ERG: variants seen among roughly 807,000 people sequenced by gnomAD.
ERG encodes transcriptional regulator ERG.
ERG carries 9 observed loss-of-function variants against 55.3 expected under a neutral mutation model. The ratio of observed to expected loss-of-function variants is 0.16; its 90% CI spans 0.10 to 0.28. ERG has a LOEUF of 0.28. Among genes scored for constraint, ERG ranks in the 10% least tolerant of loss-of-function variants. The pLI is 1.00. For synonymous variants in ERG, 223 were observed against 237.3 expected, an observed-to-expected ratio of 0.94 and a Z score of 0.55; for missense variants, 434 against 631.6, an observed-to-expected ratio of 0.69 and a Z score of 3.35.
chr21:38,544,455 G>C (rs1268658171), intron 2 of ERG, among the ~76,000 whole-genome samples: 1 of 152,182 alleles, frequency 6.6e-6, no homozygotes, highest in Non-Finnish European at 1.5e-5. Flanking sequence ...ACCAGAAAGA[G>C]AGCAGTGGAG....
At chr21:38,445,818 G>GA in intron 1 of ERG, among the ~76,000 whole-genome samples, 197 bp from the exon 2 acceptor site, 1 of 151,966 alleles carries the variant, frequency 6.6e-6, no homozygotes, top group Non-Finnish European at 1.5e-5. Flanking sequence ...TGCCAGCCTA[G>GA]AAAAACTTTT....
rs999306512 is a variant in ERG at position 38,394,383 on chromosome 21, C to T, written c.746-1939G>A. 3.4e-4 allele frequency among the ~76,000 whole-genome samples: 52 copies of T among 151,156 alleles called. 1 individual carries two copies. Among genetic ancestry groups the T allele is most frequent in the Non-Finnish European group, 6.0e-4 (41 of 67,856 alleles). On this transcript the variant is annotated intron_variant, in intron 6 of 9. Transcript: ENST00000288319. ...TTTTTTTTTTTTGGAGGTGGAGTCTCGCTCTGTCCCCCAGGCTGGAGTGCA... is the reference window on the plus strand; with the variant it reads ...TTTTTTTTTTTTGGAGGTGGAGTCTTGCTCTGTCCCCCAGGCTGGAGTGCA...
At chr21:38,453,034 AT>A (rs1231555266) in intron 1 of ERG, among the ~76,000 whole-genome samples, 8 of 152,210 alleles carry the variant, frequency 5.3e-5, no homozygotes, top group Non-Finnish European at 8.8e-5. Flanking sequence ...ACAAACTTCT[AT>A]TACATCCAAA....
intron 2 of ERG, among the ~76,000 whole-genome samples, chr21:38,433,649 C>A (rs1432118718): frequency 6.6e-6 from 1 of 151,628 alleles, no homozygotes; most frequent in Non-Finnish European, 1.5e-5. Flanking sequence ...GGAGCCTCAG[C>A]CCTTGTGAGT....
intron 1 of ERG, among the ~76,000 whole-genome samples, chr21:38,466,332 T>TGTGTGTGTGTGTGA (rs1168566229): frequency 4.0e-5 from 6 of 150,968 alleles, no homozygotes; most frequent in South Asian, 2.1e-4. Flanking sequence ...TGTGTGTGTG[T>TGTGTGTGTGTGTGA]GATATAGATA....
chr21:38,378,744 T>G (rs1987308730), downstream of ERG, among the ~76,000 whole-genome samples: 1 of 152,202 alleles, frequency 6.6e-6, no homozygotes, highest in Admixed American at 6.5e-5. Context: ...GTGACCTGTT[T>G]CAGAAAATGC....
intron 1 of ERG, among the ~76,000 whole-genome samples, chr21:38,457,491 T>A (rs1358937866): frequency 6.6e-6 from 1 of 151,622 alleles, no homozygotes; most frequent in African/African-American, 2.4e-5. Flanking sequence ...GTCATTCATA[T>A]CCAAACCATC....
At chr21:38,424,018 C>A (rs888380596) in intron 2 of ERG, among the ~76,000 whole-genome samples, 1 of 151,854 alleles carries the variant, frequency 6.6e-6, no homozygotes, top group Non-Finnish European at 1.5e-5. Flanking sequence ...CGAAAACAGG[C>A]CTTGCCTTCT....
upstream of ERG, among the ~76,000 whole-genome samples, chr21:38,499,425 T>C (rs1346297128): frequency 6.6e-6 from 1 of 152,210 alleles, no homozygotes; most frequent in Non-Finnish European, 1.5e-5. Flanking sequence ...CTTTAATTAC[T>C]CATTTTCAGG....
intron 2 of ERG, among the ~76,000 whole-genome samples, chr21:38,433,729 C>G (rs1990329443): frequency 6.6e-6 from 1 of 152,176 alleles, no homozygotes; most frequent in Non-Finnish European, 1.5e-5. Flanking sequence ...AGCTCGCTGG[C>G]CACATTAAAT....
At chr21:38,409,973 T>C (rs1988968978) in intron 3 of ERG, among the ~76,000 whole-genome samples, 1 of 152,282 alleles carries the variant, frequency 6.6e-6, no homozygotes, top group African/African-American at 2.4e-5. Context: ...GGGATTCTTA[T>C]TCAACCATTT....
intron 3 of ERG, among the ~76,000 whole-genome samples, chr21:38,418,674 C>T (rs962227814): frequency 3.9e-5 from 6 of 151,922 alleles, no homozygotes; most frequent in African/African-American, 1.5e-4. Flanking sequence ...TGCCTGTAAT[C>T]CCAGCACTTT....
intron 2 of ERG, among the ~76,000 whole-genome samples, chr21:38,516,875 C>T (rs2059556048): frequency 6.6e-6 from 1 of 152,016 alleles, no homozygotes; most frequent in African/African-American, 2.4e-5. Context: ...AAAAGACACC[C>T]TCTTCAATAA....
intron 1 of ERG, among the ~76,000 whole-genome samples, chr21:38,468,387 C>T (rs926708194): frequency 6.6e-6 from 1 of 152,208 alleles, no homozygotes; most frequent in African/African-American, 2.4e-5. Context: ...ATACTGTAAA[C>T]TTATTTGTTT....
chr21:38,559,644 A>G (rs1419728439), intron 2 of ERG, among the ~76,000 whole-genome samples: 1 of 152,178 alleles, frequency 6.6e-6, no homozygotes, highest in Non-Finnish European at 1.5e-5. Context: ...CCCAAGAAAC[A>G]TCCAACAATA....
the ERG span, among the ~76,000 whole-genome samples, chr21:38,369,441 C>A: frequency 6.6e-6 from 1 of 152,118 alleles, no homozygotes; most frequent in South Asian, 2.1e-4. Context: ...TGTTCATGAC[C>A]TTTGCTCACT....
At chr21:38,470,955 A>G (rs1302779361) in intron 1 of ERG, 1 of 152,216 alleles carries the variant, frequency 6.6e-6, no homozygotes, top group Non-Finnish European at 1.5e-5. Flanking sequence ...GCTGTTGGCA[A>G]AGCTGCAGAA....
chr21:38,558,526 A>G (rs1239619919), intron 2 of ERG, among the ~76,000 whole-genome samples: 1 of 152,228 alleles, frequency 6.6e-6, no homozygotes, highest in Non-Finnish European at 1.5e-5. Flanking sequence ...GTGTGCCTCA[A>G]ACAAGAAATA....
intron 2 of ERG, among the ~76,000 whole-genome samples, chr21:38,538,431 A>C (rs2059727502): frequency 6.6e-6 from 1 of 151,916 alleles, no homozygotes; most frequent in Admixed American, 6.6e-5. Flanking sequence ...CCTCCTTCTT[A>C]GTTCTTGGAT....
Sources: allele counts gnomAD v4.1 joint callset (sites outside exome capture counted in the v4.1 genomes callset), GRCh38; gene constraint gnomAD v4.1.1; transcripts MANE v1.5; gene names NCBI Gene and HGNC (gene_info 2026-07-23, HGNC 2026-07-21).